TPO: variants seen among roughly 807,000 people sequenced by gnomAD.
TPO encodes thyroid peroxidase.
TPO carries 78 observed loss-of-function variants against 96.9 expected under a neutral mutation model. That is an observed-to-expected ratio of 0.81 (90% CI 0.67 to 0.97). The LOEUF (loss-of-function observed/expected upper bound fraction) is 0.97. Ranked by LOEUF, TPO falls within the 50% of genes least tolerant of loss-of-function variation. The pLI is 0.00. For synonymous variants in TPO, 547 were observed against 538.0 expected (o/e 1.02, Z -0.23); for missense variants, 1,252 against 1,274.8 (o/e 0.98, Z 0.27).
intron 9 of TPO, among the ~76,000 whole-genome samples, chr2:1,486,281 G>T (rs559017845): frequency 1.3e-5 from 2 of 152,280 alleles, no homozygotes; most frequent in African/African-American, 4.8e-5. Flanking sequence ...CAGCACTTTG[G>T]GAGGCTGAGG....
rs553144445 is a variant in TPO, at chr2:1,491,174, A to G, written c.1769-2628A>G. ...GACAGAGCGAGACTCAGTCAAAAAA[A>G]AAACCAAAAAAACACTTTTTTTTGC... On this transcript the variant is annotated intron_variant, in intron 10 of 16. Coordinates refer to ENST00000329066, the MANE Select transcript of TPO (RefSeq NM_001206744.2). Among the ~76,000 whole-genome samples, 9 of 151,988 alleles carry G rather than the reference A, an allele frequency of 5.9e-5. No homozygotes were observed. The East Asian group carries it at 1.7e-3, about 29-fold the overall frequency.
At chr2:1,517,223 C>T (rs1004247180) in intron 15 of TPO, among the ~76,000 whole-genome samples, 9 of 152,104 alleles carry the variant, frequency 5.9e-5, no homozygotes, top group Non-Finnish European at 5.9e-5. Context: ...TATCTGTGGA[C>T]GAACATTCAG....
At chr2:1,487,704 C>T (rs2124855034) in intron 9 of TPO, 117 bp from the exon 10 acceptor site, 1 of 1,379,224 alleles carries the variant, frequency 7.3e-7, no homozygotes, top group Non-Finnish European at 9.9e-7. Context: ...CACTGCACTC[C>T]AGCCTGGGCA....
intron 2 of TPO, among the ~76,000 whole-genome samples, chr2:1,419,814 G>A (rs1288573243): frequency 2.0e-5 from 3 of 152,196 alleles, no homozygotes; most frequent in Admixed American, 1.3e-4. Flanking sequence ...GGGCTCCCTC[G>A]TGGAAGCAGG....
At position 1,543,266 on chromosome 2, in the gene TPO, G is replaced by A. The variant is rs146318222; in HGVS notation, c.*792G>A. 1 of 152,390 alleles carries A rather than the reference G, an allele frequency of 6.6e-6. No individual in the cohort carries two copies. The highest frequency in any genetic ancestry group is 1.5e-5 in the Non-Finnish European group (1 of 68,242). The allele number at this position is 152,390 out of a possible 1,614,324, so 9.4% of individuals were successfully genotyped here. A position where few individuals can be genotyped will look rare whatever the true frequency, so the allele number is the denominator to read the frequency against. ...AAGCAGCTGAATTCCAGAGTGCTGGGTCCCAGCCCAGGCAGCCCTCAGCCT... is the reference window on the plus strand; with the variant it reads ...AAGCAGCTGAATTCCAGAGTGCTGGATCCCAGCCCAGGCAGCCCTCAGCCT... On this transcript the variant is annotated 3_prime_UTR_variant, in exon 17 of 17. Transcript: ENST00000329066.
intron 16 of TPO, chr2:1,541,083 G>GTT: frequency 1.6e-6 from 2 of 1,216,932 alleles, no homozygotes; most frequent in Non-Finnish European, 2.1e-6. Flanking sequence ...AAGTGGAATA[G>GTT]TTATAATCAG....
At chr2:1,513,850 AATATAG>A (rs1363998168) in intron 14 of TPO, among the ~76,000 whole-genome samples, 1 of 152,204 alleles carries the variant, frequency 6.6e-6, no homozygotes, top group Non-Finnish European at 1.5e-5. Flanking sequence ...CAGATATAAA[AATATAG>A]ATATAAATTT....
At chr2:1,382,471 A>G (rs58961423) in intron 1 of TPO, among the ~76,000 whole-genome samples, 3,129 of 152,274 alleles carry the variant, frequency 0.021, 113 homozygotes, top group African/African-American at 0.072. Flanking sequence ...TGAAAACATG[A>G]GACATCATGT....
At chr2:1,413,066 G>A (rs1201336126), upstream of TPO, among the ~76,000 whole-genome samples, 3 of 152,166 alleles carry the variant, frequency 2.0e-5, no homozygotes, top group African/African-American at 7.2e-5. Flanking sequence ...AAGGCTCAGA[G>A]TTGTAGAGCG....
chr2:1,404,081 G>A (rs957272821), intron 1 of TPO, among the ~76,000 whole-genome samples: 4 of 152,224 alleles, frequency 2.6e-5, no homozygotes, highest in Non-Finnish European at 2.9e-5. Context: ...GATCTCCCGA[G>A]CACAGATCAT....
At chr2:1,399,422 CTG>C (rs1315754631) in intron 1 of TPO, among the ~76,000 whole-genome samples, 1 of 152,236 alleles carries the variant, frequency 6.6e-6, no homozygotes, top group Non-Finnish European at 1.5e-5. Flanking sequence ...CCTATGTATG[CTG>C]TGTTTTCCTA....
At chr2:1,515,743 G>A (rs900549301) in intron 14 of TPO, among the ~76,000 whole-genome samples, 4 of 151,950 alleles carry the variant, frequency 2.6e-5, no homozygotes, top group Non-Finnish European at 5.9e-5. Flanking sequence ...ATTCATCACC[G>A]ACTTTAAAAA....
At position 1,501,382 on chromosome 2, in the gene TPO, G is replaced by A. The variant is rs943737586; in HGVS notation, c.2387-2566G>A. ...GCGGCTGAGGCTGGTTTCCTCCTCT[G>A]TCGGGAGCGCTGCTCTTCAGACAAG... On this transcript the variant is annotated intron_variant, in intron 13 of 16. Transcript: ENST00000329066. Among the ~76,000 whole-genome samples, 6 of 152,164 alleles carry A rather than the reference G, an allele frequency of 3.9e-5. No individual in the cohort carries two copies. The East Asian group carries it at 9.7e-4, about 25-fold the overall frequency.
chr2:1,512,385 C>G (rs890437641), intron 14 of TPO: 3 of 985,352 alleles, frequency 3.0e-6, no homozygotes, highest in Non-Finnish European at 3.6e-6. Flanking sequence ...CCATCTGCCT[C>G]TCCAGATCCT....
intron 15 of TPO, among the ~76,000 whole-genome samples, chr2:1,530,760 CTCCTCAAATCCCCCCATGGGGGGCAACG>C (rs1677946226): frequency 2.9e-5 from 3 of 103,934 alleles, no homozygotes; most frequent in Admixed American, 1.1e-4. Flanking sequence ...TGTGTGCAAC[CTCCTCAAATCCCCCCATGGGGGGCAACG>C]TCCTCAAATC....
rs1307295416 is a variant in TPO at position 1,432,684 on chromosome 2, TG to T, written c.180-750del. ...CTGCAGGTGGGGTGAGGCCTGCAGG[TG>T]GGGTGAGGCCTGCAGGTGAGGTGAG... On this transcript the variant is annotated intron_variant, in intron 3 of 16. Transcript: ENST00000329066. 5.5e-5 allele frequency among the ~76,000 whole-genome samples: 4 copies of T among 73,350 alleles called. 1 individual carries two copies. Among genetic ancestry groups the T allele is most frequent in the Non-Finnish European group, 9.8e-5 (4 of 40,790 alleles). The allele number at this position is 73,350 out of a possible 152,430, so 48.1% of individuals were successfully genotyped here.
At chr2:1,504,117 C>A (rs772174174) in intron 14 of TPO, 38 bp downstream of exon 14, 1 of 1,612,570 alleles carries the variant, frequency 6.2e-7, no homozygotes, top group South Asian at 1.1e-5. Flanking sequence ...CGTCCATTTG[C>A]GAGTTTTTGT....
chr2:1,400,366 G>T (rs2148372515), intron 1 of TPO, among the ~76,000 whole-genome samples: 1 of 152,242 alleles, frequency 6.6e-6, no homozygotes, highest in East Asian at 1.9e-4. Context: ...TCTGGCATGT[G>T]CCTGTAATCC....
At chr2:1,447,459 C>A (rs1319191054) in intron 5 of TPO, among the ~76,000 whole-genome samples, 2 of 152,208 alleles carry the variant, frequency 1.3e-5, no homozygotes, top group African/African-American at 4.8e-5. Context: ...TGTCTTGTGT[C>A]TCCCTAAAAT....
Sources: allele counts gnomAD v4.1 joint callset (sites outside exome capture counted in the v4.1 genomes callset), GRCh38; gene constraint gnomAD v4.1.1; transcripts MANE v1.5; gene names NCBI Gene and HGNC (gene_info 2026-07-23, HGNC 2026-07-21).